Variants in ZPBP observed in about 807,000 individuals in gnomAD.
The protein encoded by ZPBP is zona pellucida-binding protein 1.
ZPBP carries 26 observed loss-of-function variants against 44.8 expected under a neutral mutation model. The observed-to-expected ratio is 0.58, with a 90% CI of 0.43 to 0.81. ZPBP has a LOEUF of 0.81. Among genes scored for constraint, ZPBP ranks in the 30% least tolerant of loss-of-function variants. ZPBP has a pLI of 0.00. For synonymous variants in ZPBP, 174 were observed against 153.2 expected (o/e 1.14, Z -1.00); for missense variants, 409 against 434.0 (o/e 0.94, Z 0.51).
intron 4 of ZPBP, among the ~76,000 whole-genome samples, chr7:50,048,874 T>C (rs1433555288): frequency 1.3e-5 from 2 of 151,526 alleles, no homozygotes; most frequent in African/African-American, 4.8e-5. Context: ...TAAAAAATAG[T>C]GAAAATCAAT....
intron 3 of ZPBP, among the ~76,000 whole-genome samples, chr7:50,074,021 G>C (rs1417652152): frequency 2.6e-5 from 4 of 152,060 alleles, no homozygotes; most frequent in African/African-American, 9.7e-5. Context: ...CACTGTAACT[G>C]TGATGTGTAA....
chr7:49,959,387 C>T (rs1161893020), intron 7 of ZPBP, among the ~76,000 whole-genome samples: 1 of 151,676 alleles, frequency 6.6e-6, no homozygotes, highest in Non-Finnish European at 1.5e-5. Flanking sequence ...AGCATAAGCA[C>T]AGGATCCAGG....
chr7:49,859,435 A>G (rs974725401), intron 2 of ZPBP, among the ~76,000 whole-genome samples: 1 of 152,190 alleles, frequency 6.6e-6, no homozygotes, highest in Non-Finnish European at 1.5e-5. Flanking sequence ...TTTAAACTTT[A>G]ATGGAGATGA....
At chr7:49,923,523 T>A (rs959523825) in intron 1 of ZPBP, among the ~76,000 whole-genome samples, 1 of 152,246 alleles carries the variant, frequency 6.6e-6, no homozygotes, top group Admixed American at 6.5e-5. Flanking sequence ...TTGGTGCTTT[T>A]ATCATTTTTA....
At chr7:49,962,199 G>A (rs1470545361) in intron 7 of ZPBP, among the ~76,000 whole-genome samples, 3 of 151,638 alleles carry the variant, frequency 2.0e-5, no homozygotes, top group Admixed American at 2.0e-4. Flanking sequence ...TACAAGAGAA[G>A]GGAACTACAG....
chr7:49,949,454 A>G lies in ZPBP; in HGVS notation c.962-11832T>C, dbSNP rs557636601. Among the ~76,000 whole-genome samples the G allele has an allele frequency of 2.0e-5, 3 of 152,260 alleles. No homozygotes were observed. In the East Asian group the frequency reaches 5.8e-4, roughly 29 times the overall value. Reference sequence around the variant, plus strand: ...ACAATAGAATGTTATTCAGCCTTAAAAAGGAAATTCTGACACATGCTATAA... The same window carrying G: ...ACAATAGAATGTTATTCAGCCTTAAGAAGGAAATTCTGACACATGCTATAA... On this transcript the variant is annotated intron_variant, in intron 7 of 7. Transcript: ENST00000046087.
intron 7 of ZPBP, among the ~76,000 whole-genome samples, chr7:49,963,698 T>A (rs562638035): frequency 6.6e-6 from 1 of 151,946 alleles, no homozygotes; most frequent in African/African-American, 2.4e-5. Context: ...AAATTACATA[T>A]GTAAAATAAA....
intron 7 of ZPBP, among the ~76,000 whole-genome samples, chr7:49,976,283 C>T (rs1299771005): frequency 1.3e-5 from 2 of 152,042 alleles, no homozygotes; most frequent in African/African-American, 2.4e-5. Flanking sequence ...CATGTTTCTG[C>T]CTGGGATCAT....
At chr7:50,053,762 A>G (rs763545927) in intron 4 of ZPBP, among the ~76,000 whole-genome samples, 4 of 152,230 alleles carry the variant, frequency 2.6e-5, no homozygotes, top group African/African-American at 4.8e-5. Context: ...AGAAATTCAC[A>G]GGTTTTAAGT....
intron 6 of ZPBP, among the ~76,000 whole-genome samples, chr7:49,986,633 T>G (rs1797295645): frequency 6.6e-6 from 1 of 151,522 alleles, no homozygotes; most frequent in South Asian, 2.1e-4. Context: ...CTTTAAGCTG[T>G]TTTTCTTTTT....
At chr7:49,845,090 T>G in the ZPBP span, among the ~76,000 whole-genome samples, 1 of 152,060 alleles carries the variant, frequency 6.6e-6, no homozygotes, top group South Asian at 2.1e-4. Flanking sequence ...TGAGAACACA[T>G]GAACACATGG....
At position 49,990,006 on chromosome 7, in the gene ZPBP, A is replaced by G. The variant is rs565350150; in HGVS notation, c.784-6487T>C. Among the ~76,000 whole-genome samples, 6 of 152,250 alleles carry G rather than the reference A, an allele frequency of 3.9e-5. No individual in the cohort carries two copies. In the South Asian group the frequency reaches 1.2e-3, roughly 32 times the overall value. On this transcript the variant is annotated intron_variant, in intron 6 of 7. Transcript: ENST00000046087. ...GGACTCAATTTTACAGCTTCACCTT[A>G]GCATTCAGTTTATGATAAAGAGTCC...
intron 1 of ZPBP, among the ~76,000 whole-genome samples, chr7:49,907,484 A>T (rs577824935): frequency 6.6e-6 from 1 of 152,318 alleles, no homozygotes; most frequent in South Asian, 2.1e-4. Flanking sequence ...TATATTAAGG[A>T]TTTTAATAAA....
chr7:50,072,394 G>A (rs1801885976), intron 3 of ZPBP, among the ~76,000 whole-genome samples: 1 of 152,238 alleles, frequency 6.6e-6, no homozygotes, highest in African/African-American at 2.4e-5. Context: ...ATCCCAGACA[G>A]CACTTCTGAA....
chr7:50,055,137 A>T (rs1800872494), intron 4 of ZPBP, among the ~76,000 whole-genome samples: 1 of 152,198 alleles, frequency 6.6e-6, no homozygotes, highest in Non-Finnish European at 1.5e-5. Flanking sequence ...ATCTTACAAA[A>T]TACAGCAATG....
intron 7 of ZPBP, among the ~76,000 whole-genome samples, chr7:49,979,604 G>A (rs1363216247): frequency 6.6e-6 from 1 of 151,198 alleles, no homozygotes; most frequent in African/African-American, 2.4e-5. Context: ...AAAATTATGT[G>A]TAATTCTGAC....
intron 6 of ZPBP, among the ~76,000 whole-genome samples, chr7:49,999,524 T>A (rs547933206): frequency 6.6e-6 from 1 of 152,176 alleles, no homozygotes; most frequent in East Asian, 1.9e-4. Flanking sequence ...CACTTTACCA[T>A]CTGCAAGCTG....
chr7:49,984,858 T>C (rs1223621240), intron 6 of ZPBP, among the ~76,000 whole-genome samples: 1 of 152,190 alleles, frequency 6.6e-6, no homozygotes, highest in African/African-American at 2.4e-5. Context: ...CAGCAGGTCC[T>C]CAAATAATGT....
chr7:49,976,901 G>T (rs1204416483), intron 7 of ZPBP, among the ~76,000 whole-genome samples: 1 of 151,970 alleles, frequency 6.6e-6, no homozygotes, highest in Non-Finnish European at 1.5e-5. Context: ...AGGAGATTGA[G>T]ACCATCCTGG....
Sources: gnomAD v4.1 joint callset for allele counts (sites outside exome capture counted in the v4.1 genomes callset) on GRCh38, gnomAD v4.1.1 for gene constraint, MANE v1.5 for transcripts, NCBI Gene and HGNC (gene_info 2026-07-23, HGNC 2026-07-21) for gene names.